FH: variants seen among roughly 807,000 people sequenced by gnomAD.
The protein encoded by FH is fumarate hydratase, mitochondrial.
In FH, 22 loss-of-function variants were observed where a neutral mutation model predicts 49.4. That is an observed-to-expected ratio of 0.45 (90% CI 0.32 to 0.64). The LOEUF is 0.64. FH is among the 30% of genes least tolerant of loss of function. The pLI, the probability that FH is intolerant of heterozygous loss-of-function variation, is 0.05. For missense variants in FH, 526 were observed against 641.5 expected, an observed-to-expected ratio of 0.82 and a Z score of 1.95; for synonymous variants, 208 against 223.0, an observed-to-expected ratio of 0.93 and a Z score of 0.60.
chr1:241,507,331 G>C (rs1659956429), intron 5 of FH, among the ~76,000 whole-genome samples: 1 of 152,064 alleles, frequency 6.6e-6, no homozygotes, highest in South Asian at 2.1e-4. Flanking sequence ...AGGTTTGTGT[G>C]AGTATACTCT....
In FH at chr1:241,498,722, T is replaced by TACATATAC. The variant is rs1659690664; in HGVS notation, c.1391-753_1391-752insGTATATGT. On this transcript the variant is annotated intron_variant, in intron 9 of 9. Transcript: ENST00000366560. ...ATATATATATATATATATATATATA[T>TACATATAC]ATATATATATATATATATATGTCAA... Among the ~76,000 whole-genome samples, 2 of 103,426 alleles carry TACATATAC rather than the reference T, an allele frequency of 1.9e-5. 1 individual carries two copies. The highest frequency in any genetic ancestry group is 2.2e-4 in the Admixed American group (2 of 8,952). 67.9% of individuals were successfully genotyped at this position (103,426 alleles called of 152,430 possible).
chr1:241,511,819 G>T (rs6673988), intron 4 of FH, 148 bp downstream of exon 4: 2 of 744,320 alleles, frequency 2.7e-6, no homozygotes, highest in Non-Finnish European at 4.5e-6. Flanking sequence ...ATAAAACCAA[G>T]ATTCCTTCAA....
chr1:241,515,659 A>C, intron 2 of FH, among the ~76,000 whole-genome samples: 1 of 152,254 alleles, frequency 6.6e-6, no homozygotes, highest in East Asian at 1.9e-4. Context: ...ATAAGTGTTA[A>C]ACAATATCTC....
chr1:241,502,551 C>T lies in FH; in HGVS notation c.1128G>A (p.Gln376=). 1 of 1,614,110 alleles carries T rather than the reference C, an allele frequency of 6.2e-7. No homozygotes were observed. The highest frequency in any genetic ancestry group is 8.5e-7 in the Non-Finnish European group (1 of 1,180,004). The change falls in exon 8 of 10, where the codon CAG becomes CAA. Residue 376 remains glutamine (Q), a synonymous_variant. Coordinates refer to ENST00000366560, the MANE Select transcript of FH (RefSeq NM_000143.4). ...CTGCAACCATGGTCATTGCTTCACA[C>T]TGAGTAGGGTTCACCTTGCCTTCAA... ...SIMPGKVNPT[Q]CEAMTMVAAQ...
rs200159437 is a variant in FH, at chr1:241,519,731, G to T, written c.-9C>A. Reference sequence around the variant, plus strand: ...CGAAGTGCTCGGTACATGGTGCTGAGGGAGCTTGGGTAGAATTTCTGGGCG... The same window carrying T: ...CGAAGTGCTCGGTACATGGTGCTGATGGAGCTTGGGTAGAATTTCTGGGCG... On this transcript the variant is annotated 5_prime_UTR_variant, in exon 1 of 10. Coordinates refer to ENST00000366560, the MANE Select transcript of FH (RefSeq NM_000143.4). The T allele has an allele frequency of 2.0e-6, 3 of 1,530,138 alleles. No individual in the cohort carries two copies. In the South Asian group the frequency reaches 3.6e-5, roughly 19 times the overall value. The allele number at this position is 1,530,138 out of a possible 1,614,324, so 94.8% of individuals were successfully genotyped here.
rs863224002 is a variant in FH, at chr1:241,504,203, G to T, written c.947C>A (p.Ala316Asp). 6.2e-7 allele frequency: 1 copy of T among 1,614,192 alleles called. No individual in the cohort carries two copies. The highest frequency in any genetic ancestry group is 8.5e-7 in the Non-Finnish European group (1 of 1,180,024). Reference sequence around the variant, plus strand: ...GAGCTCAACCAGAGCGTCATGAGCAGCCAGAGCTTCAAATTTATTCGGAGC... The same window carrying T: ...GAGCTCAACCAGAGCGTCATGAGCATCCAGAGCTTCAAATTTATTCGGAGC... ...VTAPNKFEAL[A>D]AHDALVELSG... Residue 316 changes from alanine to aspartate, a missense_variant, in exon 7 of 10, where the codon GCT (alanine) becomes GAT (aspartate). Transcript: ENST00000366560.
At chr1:241,503,996 G>A (rs775548838) in intron 7 of FH, 46 bp downstream of exon 7, 2 of 1,556,106 alleles carry the variant, frequency 1.3e-6, no homozygotes, top group South Asian at 2.3e-5. Context: ...GAATGCCTAG[G>A]ACCTAGTCAA....
chr1:241,502,702 T>A (rs1659813227), intron 7 of FH, 132 bp from the exon 8 acceptor site: 1 of 1,110,612 alleles, frequency 9.0e-7, no homozygotes, highest in Non-Finnish European at 1.3e-6. Context: ...TGTAATTTAA[T>A]GAAACAAACC....
chr1:241,502,424 A>C lies in FH; in HGVS notation c.1236+19T>G, dbSNP rs1465553628. On this transcript the variant is annotated intron_variant, in intron 8 of 9. Coordinates refer to ENST00000366560, the MANE Select transcript of FH (RefSeq NM_000143.4). Reference sequence around the variant, plus strand: ...AAGCCTTTGGTCAAAAAACATTAAAAATCAGATTTAAAGCTTACCATCATT... The same window carrying C: ...AAGCCTTTGGTCAAAAAACATTAAACATCAGATTTAAAGCTTACCATCATT... 1 of 1,613,778 alleles carries C rather than the reference A, an allele frequency of 6.2e-7. No homozygotes were observed. Among genetic ancestry groups the C allele is most frequent in the Admixed American group, 1.7e-5 (1 of 59,992 alleles).
intron 6 of FH, among the ~76,000 whole-genome samples, chr1:241,505,070 G>A (rs1371156544): frequency 1.1e-4 from 17 of 151,056 alleles, no homozygotes; most frequent in African/African-American, 3.2e-4. Context: ...CACCATGCCC[G>A]GCTAATTTTT....
chr1:241,511,859 T>C, intron 4 of FH, 108 bp downstream of exon 4: 3 of 1,061,268 alleles, frequency 2.8e-6, no homozygotes, highest in Non-Finnish European at 4.4e-6. Context: ...GCCTTATCCA[T>C]TAAATAATGA....
intron 8 of FH, among the ~76,000 whole-genome samples, chr1:241,501,523 T>A (rs954654165): frequency 2.0e-5 from 3 of 152,202 alleles, no homozygotes; most frequent in Non-Finnish European, 4.4e-5. Context: ...GGATATACAT[T>A]CCATGAGAGC....
chr1:241,516,986 GGCTCAAAATAATAGC>G, intron 2 of FH, among the ~76,000 whole-genome samples, 181 bp downstream of exon 2: 1 of 152,086 alleles, frequency 6.6e-6, no homozygotes, highest in East Asian at 1.9e-4. Flanking sequence ...TCAAAGCGAT[GGCTCAAAATAATAGC>G]ATGCTAAAAC....
At chr1:241,512,542 G>T (rs955618886) in intron 3 of FH, among the ~76,000 whole-genome samples, 2 of 152,202 alleles carry the variant, frequency 1.3e-5, no homozygotes. Flanking sequence ...TCATTGCACA[G>T]ATGTCCAATG....
At chr1:241,514,262 C>CTA (rs1314328500) in intron 2 of FH, among the ~76,000 whole-genome samples, 1 of 152,216 alleles carries the variant, frequency 6.6e-6, no homozygotes, top group Non-Finnish European at 1.5e-5. Context: ...AAAAAGCAAT[C>CTA]TATTCTACTT....
At chr1:241,517,404 AAACCTGAAT>A in intron 1 of FH, 88 bp from the exon 2 acceptor site, 2 of 1,412,766 alleles carry the variant, frequency 1.4e-6, no homozygotes, top group Non-Finnish European at 2.0e-6. Context: ...AAAGAGAAAG[AAACCTGAAT>A]AAGTATCACA....
chr1:241,512,904 A>C (rs1660122633), intron 3 of FH, among the ~76,000 whole-genome samples: 1 of 141,516 alleles, frequency 7.1e-6, no homozygotes, highest in Non-Finnish European at 1.5e-5. Context: ...TATCTCATGC[A>C]ATGAGGGTGT....
chr1:241,499,884 A>G (rs1300008513), intron 9 of FH, among the ~76,000 whole-genome samples: 1 of 152,210 alleles, frequency 6.6e-6, no homozygotes, highest in Admixed American at 6.5e-5. Context: ...TACAGTTCCA[A>G]AAAAGACTTA....
At position 241,511,963 on chromosome 1, in the gene FH, T is replaced by A. The variant is rs776240700; in HGVS notation, c.555+4A>T. The A allele has an allele frequency of 6.2e-7, 1 of 1,613,856 alleles. No individual in the cohort carries two copies. The highest frequency in any genetic ancestry group is 8.5e-7 in the Non-Finnish European group (1 of 1,179,838). Reference sequence around the variant, plus strand: ...CCAAAAAACAGCAAAGCTCACATACTGACCTGGCTTTTATTAACATGATCG... The same window carrying A: ...CCAAAAAACAGCAAAGCTCACATACAGACCTGGCTTTTATTAACATGATCG... On this transcript the variant is annotated splice_donor_region_variant and intron_variant, in intron 4 of 9. Transcript: ENST00000366560.
Sources: allele counts gnomAD v4.1 joint callset (sites outside exome capture counted in the v4.1 genomes callset), GRCh38; gene constraint gnomAD v4.1.1; transcripts MANE v1.5; gene names NCBI Gene and HGNC (gene_info 2026-07-23, HGNC 2026-07-21).